PPP6C: variants seen among roughly 807,000 people sequenced by gnomAD.
PPP6C encodes the protein serine/threonine-protein phosphatase 6 catalytic subunit.
PPP6C carries 11 observed loss-of-function variants against 39.8 expected under a neutral mutation model. That is an observed-to-expected ratio of 0.28 (90% CI 0.17 to 0.46). The LOEUF is 0.46. PPP6C is among the 20% of genes least tolerant of loss of function. The pLI is 1.00. For synonymous variants in PPP6C, 129 were observed against 130.3 expected (o/e 0.99, Z 0.07); for missense variants, 211 against 373.9 (o/e 0.56, Z 3.59).
Position 125,160,831 on chromosome 9 carries a change from GT to G in PPP6C, c.237+9del. 6.4e-7 allele frequency: 1 copy of G among 1,550,820 alleles called. No individual in the cohort carries two copies. The highest frequency in any genetic ancestry group is 8.7e-7 in the Non-Finnish European group (1 of 1,143,326). ...TAAACAAGCACTTGATATCACTGGT[GT>G]TTACATACCATAAATATGTAGTTTG... On this transcript the variant is annotated intron_variant, in intron 3 of 6. Transcript: ENST00000373547.
intron 1 of PPP6C, among the ~76,000 whole-genome samples, chr9:125,176,283 C>T (rs1829295776): frequency 6.6e-6 from 1 of 152,106 alleles, no homozygotes; most frequent in East Asian, 1.9e-4. Flanking sequence ...AAATAAGGAC[C>T]TGGGCTTCTA....
rs1164077774 is a variant in PPP6C at position 125,158,180 on chromosome 9, C to T, written c.379+61G>A. ...TAAAGCATGTGTATGACTTGTGTAG[C>T]TTTGTTTTCCAAAGAGGAAAGTAAA... On this transcript the variant is annotated intron_variant, in intron 4 of 6. Coordinates refer to ENST00000373547, the MANE Select transcript of PPP6C (RefSeq NM_002721.5). The T allele has an allele frequency of 8.7e-6, 13 of 1,492,448 alleles. No individual in the cohort carries two copies. In the Admixed American group the frequency reaches 1.8e-4, roughly 21 times the overall value. 92.5% of individuals were successfully genotyped at this position (1,492,448 alleles called of 1,614,324 possible).
intron 2 of PPP6C, among the ~76,000 whole-genome samples, chr9:125,163,613 C>G (rs1224604923): frequency 6.6e-6 from 1 of 151,828 alleles, no homozygotes; most frequent in South Asian, 2.1e-4. Context: ...GTATTTTTAA[C>G]AGAGACGGGG....
At chr9:125,164,796 TG>T (rs1828977367) in intron 2 of PPP6C, among the ~76,000 whole-genome samples, 1 of 152,006 alleles carries the variant, frequency 6.6e-6, no homozygotes, top group Admixed American at 6.6e-5. Context: ...TGGAGTGCAG[TG>T]GCATGATCTC....
chr9:125,184,600 TA>T lies in PPP6C; in HGVS notation c.75+5043del. 1.3e-5 allele frequency among the ~76,000 whole-genome samples: 2 copies of T among 151,526 alleles called. 1 individual carries two copies. Among genetic ancestry groups the T allele is most frequent in the Middle Eastern group, 6.8e-3 (2 of 292 alleles). On this transcript the variant is annotated intron_variant, in intron 1 of 6. Transcript: ENST00000373547. Reference sequence around the variant, plus strand: ...AAGAAGAAGAAACAAGTATTTGTCATAAAGCAGTAAACAGTTTGAGTCAATA... The same window carrying T: ...AAGAAGAAGAAACAAGTATTTGTCATAAGCAGTAAACAGTTTGAGTCAATA...
At chr9:125,152,213 A>C (rs1156748658) in intron 6 of PPP6C, among the ~76,000 whole-genome samples, 1 of 151,944 alleles carries the variant, frequency 6.6e-6, no homozygotes, top group African/African-American at 2.4e-5. Context: ...TGTAGCTTGG[A>C]TTCTCTTTTG....
rs1588270809 is a variant in PPP6C, at chr9:125,151,480, G to A, written c.670-1559C>T. 9 of 795,490 alleles carry A rather than the reference G, an allele frequency of 1.1e-5. No individual in the cohort carries two copies. The East Asian group carries it at 1.9e-4, about 17-fold the overall frequency. The allele number at this position is 795,490 out of a possible 1,614,324, so 49.3% of individuals were successfully genotyped here. A position where few individuals can be genotyped will look rare whatever the true frequency, so the allele number is the denominator to read the frequency against. ...ACATACCCCAGGAGGACAAGATGAA[G>A]CACCATTCCAAAATACAGGTGATCA... On this transcript the variant is annotated intron_variant, in intron 6 of 6. Transcript: ENST00000373547.
chr9:125,170,224 G>A (rs971792528), intron 2 of PPP6C, among the ~76,000 whole-genome samples: 6 of 151,370 alleles, frequency 4.0e-5, no homozygotes, highest in Admixed American at 1.3e-4. Context: ...TGCCCCTCCT[G>A]TTACTGCTTT....
intron 4 of PPP6C, among the ~76,000 whole-genome samples, chr9:125,157,895 T>G (rs10986587): frequency 0.015 from 2,291 of 152,070 alleles, 107 homozygotes; most frequent in Admixed American, 0.082. Flanking sequence ...TTCACCATAT[T>G]GGTCAGGATG....
chr9:125,177,384 A>T (rs1008957260), intron 1 of PPP6C, among the ~76,000 whole-genome samples: 5 of 145,650 alleles, frequency 3.4e-5, no homozygotes, highest in Admixed American at 2.7e-4. Context: ...AAACAAACAA[A>T]CAAAAAAAAT....
Position 125,150,706 on chromosome 9 carries a change from C to A in PPP6C, c.670-785G>T, listed in dbSNP as rs148103805. ...CACCAGGGCTTATCTCAGAAAACTG[C>A]CGATCGCCTGGGCCTGGAGCTCGGC... On this transcript the variant is annotated intron_variant, in intron 6 of 6. Coordinates refer to ENST00000373547, the MANE Select transcript of PPP6C (RefSeq NM_002721.5). The A allele has an allele frequency of 6.4e-4, 556 of 866,694 alleles. 1 individual carries two copies. The African/African-American group carries it at 6.8e-3, about 11-fold the overall frequency. The allele number at this position is 866,694 out of a possible 1,614,324, so 53.7% of individuals were successfully genotyped here.
At position 125,149,498 on chromosome 9, in the gene PPP6C, C is replaced by CCG; in HGVS notation, c.*174_*175insCG. 1 of 784,696 alleles carries CCG rather than the reference C, an allele frequency of 1.3e-6. No individual in the cohort carries two copies. The highest frequency in any genetic ancestry group is 2.6e-5 in the South Asian group (1 of 38,102). The allele number at this position is 784,696 out of a possible 1,614,324, so 48.6% of individuals were successfully genotyped here. A position where few individuals can be genotyped will look rare whatever the true frequency, so the allele number is the denominator to read the frequency against. The stretch of plus-strand genomic sequence containing the variant: ...GGGGAAAATTGATAGAAAAACTTTG[C>CCG]TATAGACACCACAACAAACAATAAA... On this transcript the variant is annotated 3_prime_UTR_variant, in exon 7 of 7. Transcript: ENST00000373547.
intron 1 of PPP6C, among the ~76,000 whole-genome samples, chr9:125,177,771 C>T (rs1829334878): frequency 6.6e-6 from 1 of 152,160 alleles, no homozygotes; most frequent in Non-Finnish European, 1.5e-5. Flanking sequence ...CATGTACCTA[C>T]CATTATAGTA....
At chr9:125,166,182 G>A (rs892361158) in intron 2 of PPP6C, among the ~76,000 whole-genome samples, 8 of 152,124 alleles carry the variant, frequency 5.3e-5, no homozygotes, top group African/African-American at 1.7e-4. Flanking sequence ...AAATGAAAAT[G>A]ACATTGCATT....
chr9:125,161,441 A>G (rs1156416667), intron 2 of PPP6C, among the ~76,000 whole-genome samples: 2 of 152,014 alleles, frequency 1.3e-5, no homozygotes, highest in Non-Finnish European at 1.5e-5. Flanking sequence ...ATATTTCATC[A>G]TATTTTTTGT....
chr9:125,179,247 T>C (rs1488221985), intron 1 of PPP6C, among the ~76,000 whole-genome samples: 1 of 150,166 alleles, frequency 6.7e-6, no homozygotes, highest in Non-Finnish European at 1.5e-5. Context: ...ATATTTTGGA[T>C]AACAATACTT....
intron 1 of PPP6C, among the ~76,000 whole-genome samples, chr9:125,180,550 T>C (rs117893135): frequency 0.015 from 2,321 of 152,222 alleles, 108 homozygotes; most frequent in East Asian, 0.084. Context: ...AGCCCCCCAG[T>C]AGCTGGGATT....
chr9:125,156,676 G>A (rs1281810146), intron 4 of PPP6C, among the ~76,000 whole-genome samples: 1 of 151,932 alleles, frequency 6.6e-6, no homozygotes, highest in Non-Finnish European at 1.5e-5. Flanking sequence ...TCTTAATTGT[G>A]CTCAAGGAAA....
intron 1 of PPP6C, chr9:125,188,992 G>A: frequency 7.0e-7 from 1 of 1,421,024 alleles, no homozygotes; most frequent in Non-Finnish European, 9.7e-7. Context: ...TATTTATTGA[G>A]AACCAACTAC....
Sources: allele counts gnomAD v4.1 joint callset (sites outside exome capture counted in the v4.1 genomes callset), GRCh38; gene constraint gnomAD v4.1.1; transcripts MANE v1.5; gene names NCBI Gene and HGNC (gene_info 2026-07-23, HGNC 2026-07-21).